RAD18: variants seen among roughly 807,000 people sequenced by gnomAD.
RAD18 encodes RAD18 E3 ubiquitin protein ligase.
In RAD18, 47 loss-of-function variants were observed where a neutral mutation model predicts 60.4. That is an observed-to-expected ratio of 0.78 (90% confidence interval 0.62 to 0.99). The LOEUF is 0.99. Ranked by LOEUF, RAD18 falls within the 50% of genes least tolerant of loss-of-function variation. RAD18 has a pLI of 0.00. For missense variants in RAD18, 640 were observed against 593.3 expected (o/e 1.08, Z -0.82); for synonymous variants, 225 against 195.5 (o/e 1.15, Z -1.26).
chr3:8,888,427 G>C (rs550770809), intron 12 of RAD18, among the ~76,000 whole-genome samples: 21 of 152,332 alleles, frequency 1.4e-4, no homozygotes, highest in African/African-American at 5.1e-4. Context: ...GTGGAATTAA[G>C]AGAATGTGTC....
intron 9 of RAD18, among the ~76,000 whole-genome samples, chr3:8,909,840 G>A (rs1016006778): frequency 6.6e-6 from 1 of 152,088 alleles, no homozygotes; most frequent in African/African-American, 2.4e-5. Context: ...TAGCTGATGA[G>A]AGAAAAAAAA....
chr3:8,915,694 C>A (rs1300966026), intron 7 of RAD18, among the ~76,000 whole-genome samples: 1 of 151,946 alleles, frequency 6.6e-6, no homozygotes, highest in Non-Finnish European at 1.5e-5. Flanking sequence ...CGCCATTCTC[C>A]TGCCTCAGCC....
At chr3:8,950,783 C>G (rs1940914946) in intron 2 of RAD18, among the ~76,000 whole-genome samples, 1 of 152,134 alleles carries the variant, frequency 6.6e-6, no homozygotes, top group Non-Finnish European at 1.5e-5. Flanking sequence ...AAGTAGACAA[C>G]ATGCAAGAAC....
At chr3:8,902,082 A>C (rs1939921565) in intron 10 of RAD18, among the ~76,000 whole-genome samples, 1 of 152,220 alleles carries the variant, frequency 6.6e-6, no homozygotes, top group Non-Finnish European at 1.5e-5. Context: ...GATCTCCACC[A>C]ATAAATTCTA....
Position 8,898,889 on chromosome 3 carries a change from C to A in RAD18, c.1322+5G>T, listed in dbSNP as rs1383625940. On this transcript the variant is annotated splice_donor_5th_base_variant and intron_variant, in intron 11 of 12. Transcript: ENST00000264926. ...TAAAATAATCAACTACTGCATGTTT[C>A]TTACCTATTGCATGAATCTGATTCT... The A allele has an allele frequency of 2.6e-6, 4 of 1,565,838 alleles. No homozygotes were observed. The highest frequency in any genetic ancestry group is 3.5e-6 in the Non-Finnish European group (4 of 1,151,876).
intron 5 of RAD18, among the ~76,000 whole-genome samples, chr3:8,939,970 G>A (rs1279204130): frequency 6.6e-6 from 1 of 152,188 alleles, no homozygotes; most frequent in Non-Finnish European, 1.5e-5. Context: ...CCAAACTATA[G>A]AACTCATCTT....
At chr3:8,894,406 C>T (rs769147251) in intron 11 of RAD18, among the ~76,000 whole-genome samples, 9 of 152,286 alleles carry the variant, frequency 5.9e-5, no homozygotes, top group Admixed American at 2.0e-4. Context: ...ACAAAGCATT[C>T]ACAATATATG....
At chr3:8,895,076 A>C (rs1271867955) in intron 11 of RAD18, among the ~76,000 whole-genome samples, 2 of 152,094 alleles carry the variant, frequency 1.3e-5, no homozygotes, top group Non-Finnish European at 2.9e-5. Context: ...AAAAATGGAA[A>C]AGATACTGAA....
chr3:8,920,933 T>C (rs1340496160), intron 7 of RAD18, among the ~76,000 whole-genome samples: 1 of 152,166 alleles, frequency 6.6e-6, no homozygotes, highest in Non-Finnish European at 1.5e-5. Flanking sequence ...CAAAACTGGA[T>C]AGATGAATAA....
rs45623832 is a variant in RAD18 at position 8,890,325 on chromosome 3, G to A, written c.1385+64C>T. The stretch of plus-strand genomic sequence containing the variant: ...AAAATATAATTTTGTTTGAAAATCA[G>A]CTGCATAGAAGTATAATTTCTCAGG... On this transcript the variant is annotated intron_variant, in intron 12 of 12. Transcript: ENST00000264926. The A allele has an allele frequency of 2.8e-4, 354 of 1,263,152 alleles. 4 individuals are homozygous for A. The African/African-American group carries it at 4.6e-3, about 16-fold the overall frequency. The allele number at this position is 1,263,152 out of a possible 1,614,324, so 78.2% of individuals were successfully genotyped here.
intron 7 of RAD18, among the ~76,000 whole-genome samples, chr3:8,926,354 A>C (rs1313149530): frequency 6.6e-6 from 1 of 152,232 alleles, no homozygotes; most frequent in Non-Finnish European, 1.5e-5. Flanking sequence ...CTTACAAAGG[A>C]TGTGAAGGAC....
chr3:8,917,892 A>G (rs1940235250), intron 7 of RAD18, among the ~76,000 whole-genome samples: 1 of 152,304 alleles, frequency 6.6e-6, no homozygotes, highest in South Asian at 2.1e-4. Flanking sequence ...CATTTTAAAT[A>G]AAAAGATAGG....
chr3:8,939,526 G>C, intron 6 of RAD18, 28 bp downstream of exon 6: 1 of 1,569,668 alleles, frequency 6.4e-7, no homozygotes, highest in Non-Finnish European at 8.7e-7. Flanking sequence ...AGCTAAAGTA[G>C]CTCAATGGTT....
intron 12 of RAD18, among the ~76,000 whole-genome samples, chr3:8,884,184 G>C (rs1239907972): frequency 6.6e-6 from 1 of 152,172 alleles, no homozygotes. Context: ...AGAGGAACTG[G>C]AGAGAGAAGG....
intron 7 of RAD18, among the ~76,000 whole-genome samples, chr3:8,915,574 A>G (rs1575544310): frequency 6.7e-6 from 1 of 150,210 alleles, no homozygotes; most frequent in Admixed American, 6.6e-5. Flanking sequence ...ATCCATTTGC[A>G]GGCTATTTTC....
At chr3:8,912,446 A>T in intron 8 of RAD18, 74 bp from the exon 9 acceptor site, 1 of 1,037,864 alleles carries the variant, frequency 9.6e-7, no homozygotes, top group Non-Finnish European at 1.4e-6. Context: ...CAAACCTTCA[A>T]ATCTCAAATG....
chr3:8,894,338 A>C (rs540953833), intron 11 of RAD18, among the ~76,000 whole-genome samples: 46 of 152,354 alleles, frequency 3.0e-4, no homozygotes, highest in Middle Eastern at 6.8e-3. Context: ...ACTTACTAAT[A>C]TATGCAAAAT....
intron 7 of RAD18, 74 bp downstream of exon 7, chr3:8,935,797 G>T: frequency 7.8e-7 from 1 of 1,273,894 alleles, no homozygotes; most frequent in South Asian, 1.7e-5. Context: ...ATTTTTCTAT[G>T]GTTTATAATT....
intron 11 of RAD18, among the ~76,000 whole-genome samples, chr3:8,894,848 C>T (rs1369346395): frequency 6.6e-6 from 1 of 151,078 alleles, no homozygotes; most frequent in East Asian, 1.9e-4. Context: ...GCAACCTCCG[C>T]CTCCCACGTT....
Sources: allele counts gnomAD v4.1 joint callset (sites outside exome capture counted in the v4.1 genomes callset), GRCh38; gene constraint gnomAD v4.1.1; transcripts MANE v1.5; gene names NCBI Gene and HGNC (gene_info 2026-07-23, HGNC 2026-07-21).